CAPN9: variants seen among roughly 807,000 people sequenced by gnomAD.
CAPN9 encodes the protein calpain 9, also known as calpain-9.
Under a neutral mutation model 92.8 loss-of-function variants are expected in CAPN9, and 81 were observed. The observed-to-expected ratio is 0.87, with a 90% CI of 0.73 to 1.05. The LOEUF is 1.05. CAPN9 is among the 50% of genes least tolerant of loss of function. The pLI, the probability that CAPN9 is intolerant of heterozygous loss-of-function variation, is 0.00. For synonymous variants in CAPN9, 304 were observed against 328.0 expected, an observed-to-expected ratio of 0.93 and a Z score of 0.79; for missense variants, 848 against 866.2, an observed-to-expected ratio of 0.98 and a Z score of 0.26.
rs16852683 is a variant in CAPN9 at position 230,792,891 on chromosome 1, G to A, written c.1833G>A (p.Met611Ile). The change falls in exon 17 of 20, where the codon ATG becomes ATA. Residue 611 changes from methionine (M) to isoleucine (I), a missense_variant. Physicochemically the swap from Met to Ile is conservative, Grantham distance 10. Coordinates refer to ENST00000271971, the MANE Select transcript of CAPN9 (RefSeq NM_006615.3). ...TTGATGCTGACAAGTCCGGCACCAT[G>A]TCTACCTATGAACTACGGACTGCAC... ...LRFDADKSGT[M>I]STYELRTALK... The A allele has an allele frequency of 0.011, 17,272 of 1,614,020 alleles. 1,450 individuals are homozygous for A. The African/African-American group carries it at 0.19, about 18-fold the overall frequency.
intron 1 of CAPN9, among the ~76,000 whole-genome samples, chr1:230,751,242 G>T (rs1278659553): frequency 2.0e-5 from 3 of 152,196 alleles, no homozygotes; most frequent in Non-Finnish European, 4.4e-5. Flanking sequence ...CCCAGGAGGG[G>T]TTGTCAGTTG....
intron 5 of CAPN9, among the ~76,000 whole-genome samples, chr1:230,768,049 TAAATAAAAAATAAAATA>T (rs1666118662): frequency 8.1e-5 from 6 of 73,788 alleles, no homozygotes; most frequent in Admixed American, 5.7e-4. Context: ...AATAAATAAA[TAAATAAAAAATAAAATA>T]AAATAAAATA....
Position 230,780,262 on chromosome 1 carries a change from C to CT in CAPN9, c.1199dup (p.Met401AspfsTer5). 1 of 1,613,936 alleles carries CT rather than the reference C, an allele frequency of 6.2e-7. No individual in the cohort carries two copies. Among genetic ancestry groups the CT allele is most frequent in the Non-Finnish European group, 8.5e-7 (1 of 1,179,886 alleles). ...GGAGGAGTGTAGTTTCCTTGTAGCC[C>CT]TGATGCAGAAAGATAGAAGGAAACT... On this transcript the variant is annotated frameshift_variant, in exon 10 of 20. Transcript: ENST00000271971. LOFTEE classifies it high-confidence loss of function.
Position 230,762,795 on chromosome 1 carries a change from C to T in CAPN9, c.536+9C>T. The T allele has an allele frequency of 1.9e-6, 3 of 1,613,062 alleles. No homozygotes were observed. The highest frequency in any genetic ancestry group is 1.7e-6 in the Non-Finnish European group (2 of 1,179,460). ...GAAAAAGCCTACGCCAAGTGAGTGA[C>T]AGCTTCCCCAGCTCAGGCAGCCTCC... On this transcript the variant is annotated intron_variant, in intron 4 of 19. Coordinates refer to ENST00000271971, the MANE Select transcript of CAPN9 (RefSeq NM_006615.3).
intron 4 of CAPN9, among the ~76,000 whole-genome samples, chr1:230,766,109 T>C (rs1665969690): frequency 6.6e-6 from 1 of 152,076 alleles, no homozygotes; most frequent in African/African-American, 2.4e-5. Context: ...ATTTACTTTT[T>C]TTTGGAGACA....
rs1021272397 is a variant in CAPN9 at position 230,795,171 on chromosome 1, C to T, written c.1879C>T (p.Leu627=). The T allele has an allele frequency of 3.1e-6, 5 of 1,610,146 alleles. No homozygotes were observed. In the African/African-American group the frequency reaches 6.7e-5, roughly 22 times the overall value. The change falls in exon 18 of 20, where the codon CTG becomes TTG. Residue 627 remains leucine, a synonymous_variant. Transcript: ENST00000271971. Reference sequence around the variant, plus strand: ...CTCCTTTGTCCCCACAGGCTTTCAGCTGAGCAGCCACCTCCTGCAGCTGAT... The same window carrying T: ...CTCCTTTGTCCCCACAGGCTTTCAGTTGAGCAGCCACCTCCTGCAGCTGAT... ...RTALKAAGFQ[L]SSHLLQLIVL...
intron 4 of CAPN9, among the ~76,000 whole-genome samples, chr1:230,765,474 C>A (rs1490279937): frequency 6.6e-6 from 1 of 152,072 alleles, no homozygotes; most frequent in Non-Finnish European, 1.5e-5. Flanking sequence ...GCCTGGCCAA[C>A]ATGATGAAAC....
intron 17 of CAPN9, 36 bp downstream of exon 17, chr1:230,792,964 A>G (rs991967697): frequency 1.3e-6 from 2 of 1,528,178 alleles, no homozygotes; most frequent in Non-Finnish European, 1.8e-6. Flanking sequence ...GGCTGACTGC[A>G]TGCCAGGTAC....
chr1:230,773,828 G>T (rs1217840006), intron 7 of CAPN9, among the ~76,000 whole-genome samples: 1 of 152,206 alleles, frequency 6.6e-6, no homozygotes, highest in East Asian at 1.9e-4. Context: ...AGAGGGAGCT[G>T]CCACGTTGGC....
intron 5 of CAPN9, among the ~76,000 whole-genome samples, chr1:230,768,588 A>G (rs527333195): frequency 4.0e-4 from 61 of 151,314 alleles, no homozygotes; most frequent in Non-Finnish European, 7.8e-4. Context: ...AATAGCAGAT[A>G]GAAGTCTAAT....
In CAPN9 at chr1:230,774,536, A is replaced by C. The variant is rs1666609013; in HGVS notation, c.876-18A>C. 1.3e-6 allele frequency: 2 copies of C among 1,589,852 alleles called. No homozygotes were observed. Among genetic ancestry groups the C allele is most frequent in the Non-Finnish European group, 1.7e-6 (2 of 1,158,126 alleles). ...TCATCATGACCTCTGCCTGAACACC[A>C]ATTTTGTTTACTCCTAGTTCTCCGG... is the stretch of plus-strand genomic sequence containing the variant. On this transcript the variant is annotated intron_variant, in intron 7 of 19. Transcript: ENST00000271971.
In CAPN9 at chr1:230,751,657, AAGAAAGAAAGAAAG is replaced by A; in HGVS notation, c.214-3678_214-3665del. ...AAAGAAAGAAAGAAAGAAAGAAAGA[AAGAAAGAAAGAAAG>A]AAAGAAAGAAAGAAGGGTGGCTTTT... On this transcript the variant is annotated intron_variant, in intron 1 of 19. Transcript: ENST00000271971. Among the ~76,000 whole-genome samples, 2 of 66,372 alleles carry A rather than the reference AAGAAAGAAAGAAAG, an allele frequency of 3.0e-5. 1 individual carries two copies. The highest frequency in any genetic ancestry group is 2.4e-4 in the Admixed American group (2 of 8,250). 43.5% of individuals were successfully genotyped at this position (66,372 alleles called of 152,430 possible). A position where few individuals can be genotyped will look rare whatever the true frequency, so the allele number is the denominator to read the frequency against.
At position 230,767,525 on chromosome 1, in the gene CAPN9, CTT is replaced by C; in HGVS notation, c.537-15_537-14del. On this transcript the variant is annotated splice_polypyrimidine_tract_variant and intron_variant, in intron 4 of 19. Transcript: ENST00000271971. The stretch of plus-strand genomic sequence containing the variant: ...AGGTCCCTGACTCTCTCCTCTCTCT[CTT>C]GCCACCCTTGCAGGCTAAATGGGAG... 6.3e-7 allele frequency: 1 copy of C among 1,598,406 alleles called. No homozygotes were observed. Among genetic ancestry groups the C allele is most frequent in the Non-Finnish European group, 8.5e-7 (1 of 1,173,328 alleles).
intron 8 of CAPN9, chr1:230,776,922 C>T (rs945129247): frequency 2.0e-5 from 3 of 152,166 alleles, no homozygotes; most frequent in African/African-American, 4.8e-5. Context: ...ATCTCTGCCT[C>T]GGGAACCATG....
In CAPN9 at chr1:230,755,360, C is replaced by A; in HGVS notation, c.237C>A (p.Phe79Leu). 1.2e-6 allele frequency: 2 copies of A among 1,610,294 alleles called. No individual in the cohort carries two copies. Among genetic ancestry groups the A allele is most frequent in the South Asian group, 2.2e-5 (2 of 90,254 alleles). Residue 79 changes from phenylalanine to leucine, a missense_variant, in exon 2 of 20, where the codon TTC becomes TTA. Physicochemically the swap from Phe to Leu is conservative, Grantham distance 22 (BLOSUM62 0). Coordinates refer to ENST00000271971, the MANE Select transcript of CAPN9 (RefSeq NM_006615.3). ...RPGEIVKNPE[F>L]ILGGATRTDI... ...AGGAAATCGTGAAAAACCCAGAATTCATTCTTGGAGGGGCCACCAGGACTG... is the reference window on the plus strand; with the variant it reads ...AGGAAATCGTGAAAAACCCAGAATTAATTCTTGGAGGGGCCACCAGGACTG...
chr1:230,771,710 A>C (rs1277181654), intron 6 of CAPN9, among the ~76,000 whole-genome samples: 1 of 152,196 alleles, frequency 6.6e-6, no homozygotes, highest in Admixed American at 6.5e-5. Context: ...CCATTTTTAG[A>C]TTCATATGGA....
At position 230,801,716 on chromosome 1, in the gene CAPN9, C is replaced by G; in HGVS notation, c.*120C>G. On this transcript the variant is annotated 3_prime_UTR_variant, in exon 20 of 20. Transcript: ENST00000271971. ...GGTTCACTCCCCTCTCATCGTCCGG[C>G]CTTCTCCCTTCATCTTGATCTGGGA... The G allele has an allele frequency of 1.1e-6, 1 of 872,820 alleles. No homozygotes were observed. The highest frequency in any genetic ancestry group is 2.0e-6 in the Non-Finnish European group (1 of 508,594). 54.1% of individuals were successfully genotyped at this position (872,820 alleles called of 1,614,324 possible). A position where few individuals can be genotyped will look rare whatever the true frequency, so the allele number is the denominator to read the frequency against.
chr1:230,782,002 C>T (rs28359693), intron 11 of CAPN9, among the ~76,000 whole-genome samples: 39 of 152,280 alleles, frequency 2.6e-4, no homozygotes, highest in African/African-American at 8.9e-4. Context: ...GATGAATATC[C>T]TAGTATCTGT....
intron 16 of CAPN9, 103 bp from the exon 17 acceptor site, chr1:230,792,747 C>G: frequency 3.0e-6 from 3 of 983,654 alleles, no homozygotes; most frequent in Admixed American, 3.7e-5. Flanking sequence ...CCTCTGCGGC[C>G]CCTAGAGGGT....
Sources: allele counts gnomAD v4.1 joint callset (sites outside exome capture counted in the v4.1 genomes callset), GRCh38; gene constraint gnomAD v4.1.1; transcripts MANE v1.5; gene names NCBI Gene and HGNC (gene_info 2026-07-23, HGNC 2026-07-21).